WWOX: variants seen among roughly 807,000 people sequenced by gnomAD.
WWOX encodes WW domain containing oxidoreductase.
A neutral mutation model predicts 46.2 loss-of-function variants in WWOX; 69 were observed. The ratio of observed to expected loss-of-function variants is 1.49; its 90% CI spans 1.23 to 1.82. The LOEUF (loss-of-function observed/expected upper bound fraction) is 1.82, where lower values mean the gene tolerates loss of function less well. WWOX is among the 40% of genes most tolerant of loss of function. The probability of loss-of-function intolerance (pLI) is 0.00; values close to 1 mark genes in which losing one functional copy is unlikely to be tolerated. For synonymous variants in WWOX, 359 were observed against 202.6 expected (o/e 1.77, Z -6.56); for missense variants, 919 against 542.6 (o/e 1.69, Z -6.89).
chr16:78,758,528 C>G (rs1025203217), intron 8 of WWOX, among the ~76,000 whole-genome samples: 1 of 152,190 alleles, frequency 6.6e-6, no homozygotes, highest in Non-Finnish European at 1.5e-5. Flanking sequence ...ATGCCAGTGT[C>G]GTAACGCCAC....
At chr16:79,065,889 G>T (rs777539903) in intron 8 of WWOX, among the ~76,000 whole-genome samples, 4 of 152,196 alleles carry the variant, frequency 2.6e-5, no homozygotes, top group Admixed American at 1.3e-4. Context: ...ATTTCACAAA[G>T]GTGGCTTCAT....
At chr16:78,469,591 A>G (rs775103152) in intron 8 of WWOX, among the ~76,000 whole-genome samples, 4 of 152,200 alleles carry the variant, frequency 2.6e-5, no homozygotes, top group Non-Finnish European at 4.4e-5. Context: ...TCTAGTTAAG[A>G]GATGTTAAAA....
In WWOX at chr16:78,790,350, C is replaced by G. The variant is rs570420320; in HGVS notation, c.1056+357598C>G. 2.0e-5 allele frequency among the ~76,000 whole-genome samples: 3 copies of G among 152,084 alleles called. No individual in the cohort carries two copies. In the East Asian group the frequency reaches 5.9e-4, roughly 30 times the overall value. ...GGGTTTCATCATGTTGGCCAGGCTG[C>G]TCTCAAACTCCTGACATCAAGTGAT... On this transcript the variant is annotated intron_variant, in intron 8 of 8. Coordinates refer to ENST00000566780, the MANE Select transcript of WWOX (RefSeq NM_016373.4).
At chr16:78,252,424 G>A (rs943990815) in intron 5 of WWOX, among the ~76,000 whole-genome samples, 17 of 152,090 alleles carry the variant, frequency 1.1e-4, no homozygotes, top group Non-Finnish European at 2.4e-4. Context: ...TAAAAACTAC[G>A]TGGGTATGTA....
chr16:78,415,743 C>T (rs532036733), intron 6 of WWOX, among the ~76,000 whole-genome samples: 1 of 152,184 alleles, frequency 6.6e-6, no homozygotes, highest in South Asian at 2.1e-4. Context: ...TGCCACCTCA[C>T]TCCACTCTTG....
chr16:78,459,991 A>T lies in WWOX; in HGVS notation c.1056+27239A>T, dbSNP rs556532968. On this transcript the variant is annotated intron_variant, in intron 8 of 8. Coordinates refer to ENST00000566780, the MANE Select transcript of WWOX (RefSeq NM_016373.4). ...AGCTAATTTTTTGTATTATTTATAG[A>T]GTTGGGTTTTTCACCATGTTGTTCA... Among the ~76,000 whole-genome samples, 6 of 151,250 alleles carry T rather than the reference A, an allele frequency of 4.0e-5. No homozygotes were observed. The East Asian group carries it at 1.2e-3, about 30-fold the overall frequency.
At chr16:78,154,869 G>C (rs895981994) in intron 4 of WWOX, among the ~76,000 whole-genome samples, 2 of 152,130 alleles carry the variant, frequency 1.3e-5, no homozygotes, top group African/African-American at 4.8e-5. Flanking sequence ...TTGTGGTAAG[G>C]CTTGAGTCAT....
At chr16:79,056,549 G>C (rs756294468) in intron 8 of WWOX, among the ~76,000 whole-genome samples, 9 of 152,146 alleles carry the variant, frequency 5.9e-5, no homozygotes, top group Admixed American at 6.6e-5. Context: ...TGTGGGGTTG[G>C]ATAATTTTTT....
intron 8 of WWOX, among the ~76,000 whole-genome samples, chr16:78,476,463 C>A (rs139800546): frequency 0.011 from 1,637 of 151,766 alleles, 28 homozygotes; most frequent in African/African-American, 0.037. Flanking sequence ...TTGTGGGGTG[C>A]GGGGAGGGGA....
intron 8 of WWOX, among the ~76,000 whole-genome samples, chr16:79,141,974 A>ATGTC (rs1567578291): frequency 6.6e-6 from 1 of 152,174 alleles, no homozygotes; most frequent in East Asian, 1.9e-4. Flanking sequence ...CAGGGAGGAG[A>ATGTC]TGTCTACACG....
At chr16:78,149,678 C>T (rs895220036) in intron 4 of WWOX, among the ~76,000 whole-genome samples, 14 of 152,186 alleles carry the variant, frequency 9.2e-5, no homozygotes, top group Admixed American at 3.3e-4. Context: ...AAATTATACA[C>T]ATGCCAAGCA....
At chr16:79,156,557 A>C (rs1159854788) in intron 8 of WWOX, among the ~76,000 whole-genome samples, 3 of 152,216 alleles carry the variant, frequency 2.0e-5, no homozygotes, top group African/African-American at 7.2e-5. Context: ...GGAATTCTTA[A>C]GCTTCAGAAG....
chr16:79,069,390 TGACA>T (rs1046647933), intron 8 of WWOX, among the ~76,000 whole-genome samples: 1 of 152,208 alleles, frequency 6.6e-6, no homozygotes, highest in African/African-American at 2.4e-5. Context: ...TTTATTTCAT[TGACA>T]GACAGGACCT....
At chr16:79,029,342 A>G (rs377084680) in intron 8 of WWOX, among the ~76,000 whole-genome samples, 12 of 152,326 alleles carry the variant, frequency 7.9e-5, no homozygotes, top group African/African-American at 2.9e-4. Flanking sequence ...AGAAAAAGGT[A>G]TGCAGTCTAC....
rs74029049 is a variant in WWOX, at chr16:78,493,836, A to G, written c.1056+61084A>G. Among the ~76,000 whole-genome samples, 761 of 152,286 alleles carry G rather than the reference A, an allele frequency of 5.0e-3. 6 individuals carry two copies. Among genetic ancestry groups the G allele is most frequent in the African/African-American group, 0.017 (726 of 41,558 alleles). On this transcript the variant is annotated intron_variant, in intron 8 of 8. Transcript: ENST00000566780. ...GCCTGTAGAGTCCGTGTTCTTACCC[A>G]CTGCATGATGTCTGATCATCGTCAA...
At chr16:78,865,810 G>A (rs148545829) in intron 8 of WWOX, among the ~76,000 whole-genome samples, 266 of 152,320 alleles carry the variant, frequency 1.7e-3, no homozygotes, top group African/African-American at 6.0e-3. Flanking sequence ...AACTCGGAAG[G>A]CAGAGTTTGC....
At chr16:78,909,162 C>T (rs1165765181) in intron 8 of WWOX, among the ~76,000 whole-genome samples, 1 of 152,156 alleles carries the variant, frequency 6.6e-6, no homozygotes, top group Non-Finnish European at 1.5e-5. Context: ...ATCAGATCTC[C>T]ATCACCTTCA....
At chr16:78,974,546 T>G (rs77805556) in intron 8 of WWOX, among the ~76,000 whole-genome samples, 55 of 152,340 alleles carry the variant, frequency 3.6e-4, no homozygotes, top group African/African-American at 1.3e-3. Flanking sequence ...AAACCATGTA[T>G]TATTTCCTTA....
chr16:79,047,672 A>ACTTTTTTT (rs529812201), intron 8 of WWOX, among the ~76,000 whole-genome samples: 10 of 53,542 alleles, frequency 1.9e-4, no homozygotes, highest in African/African-American at 7.7e-4. Context: ...GACTGTCCTG[A>ACTTTTTTT]TTTTTTTTTT....
Sources: allele counts gnomAD v4.1 joint callset (sites outside exome capture counted in the v4.1 genomes callset), GRCh38; gene constraint gnomAD v4.1.1; transcripts MANE v1.5; gene names NCBI Gene and HGNC (gene_info 2026-07-23, HGNC 2026-07-21).